The following DOCK4 variants were observed in gnomAD, a reference collection of about 807,000 sequenced individuals.
The protein encoded by DOCK4 is dedicator of cytokinesis 4.
DOCK4 carries 97 observed loss-of-function variants against 268.1 expected under a neutral mutation model. That is an observed-to-expected ratio of 0.36 (90% CI 0.31 to 0.43). The LOEUF (loss-of-function observed/expected upper bound fraction) is 0.43, where lower values mean the gene tolerates loss of function less well. Among genes scored for constraint, DOCK4 ranks in the 20% least tolerant of loss-of-function variants. DOCK4 has a pLI of 1.00. For synonymous variants in DOCK4, 954 were observed against 887.2 expected (o/e 1.08, Z -1.34); for missense variants, 2,145 against 2,455.7 (o/e 0.87, Z 2.67).
At chr7:111,842,861 G>T (rs1019411628) in intron 25 of DOCK4, among the ~76,000 whole-genome samples, 34 of 152,174 alleles carry the variant, frequency 2.2e-4, no homozygotes, top group African/African-American at 5.8e-4. Flanking sequence ...AGGAAACCAA[G>T]TGGCGAACCT....
At chr7:112,157,027 G>T (rs1816670175) in intron 1 of DOCK4, among the ~76,000 whole-genome samples, 1 of 152,108 alleles carries the variant, frequency 6.6e-6, no homozygotes, top group Non-Finnish European at 1.5e-5. Context: ...TTCATTAGCA[G>T]ACAGGGAAAC....
chr7:111,907,592 G>C (rs2134460299), intron 13 of DOCK4, among the ~76,000 whole-genome samples: 1 of 152,292 alleles, frequency 6.6e-6, no homozygotes, highest in Middle Eastern at 3.4e-3. Context: ...TTCAGTCACT[G>C]TGGCATTCAT....
intron 1 of DOCK4, among the ~76,000 whole-genome samples, chr7:112,181,764 G>A (rs970939914): frequency 1.8e-4 from 28 of 151,954 alleles, no homozygotes; most frequent in African/African-American, 5.6e-4. Context: ...CAGGAAGCAG[G>A]ATCACAGGAT....
At chr7:112,070,363 G>C (rs1004008036) in intron 1 of DOCK4, among the ~76,000 whole-genome samples, 1 of 152,128 alleles carries the variant, frequency 6.6e-6, no homozygotes, top group Non-Finnish European at 1.5e-5. Flanking sequence ...TTCACTGAGA[G>C]TAACTATGGG....
chr7:111,873,142 C>T (rs1187211660), intron 17 of DOCK4, among the ~76,000 whole-genome samples: 3 of 152,190 alleles, frequency 2.0e-5, no homozygotes, highest in Admixed American at 2.0e-4. Flanking sequence ...GAGCTCTCAA[C>T]CTGAGAAGAG....
chr7:111,920,986 T>G (rs1793083137), intron 12 of DOCK4, among the ~76,000 whole-genome samples: 2 of 152,084 alleles, frequency 1.3e-5, no homozygotes, highest in South Asian at 4.1e-4. Context: ...TCATAAAATT[T>G]AATTTACAAT....
At chr7:111,778,430 CT>C in intron 35 of DOCK4, 61 bp from the exon 36 acceptor site, 4 of 1,057,118 alleles carry the variant, frequency 3.8e-6, no homozygotes, top group Non-Finnish European at 1.4e-6. Context: ...AATTATCTGC[CT>C]TTTACTCTGC....
intron 12 of DOCK4, among the ~76,000 whole-genome samples, chr7:111,931,902 C>G (rs1794233364): frequency 6.6e-6 from 1 of 152,106 alleles, no homozygotes. Flanking sequence ...CCTAGGACAT[C>G]CTGCTTGCAG....
intron 1 of DOCK4, among the ~76,000 whole-genome samples, chr7:112,063,494 C>A (rs761344968): frequency 2.0e-5 from 3 of 152,182 alleles, no homozygotes; most frequent in Admixed American, 6.5e-5. Flanking sequence ...TCATCTACCA[C>A]AAAACCTGTT....
chr7:112,032,257 C>G (rs920870865), intron 1 of DOCK4, among the ~76,000 whole-genome samples: 2 of 152,114 alleles, frequency 1.3e-5, no homozygotes, highest in Non-Finnish European at 2.9e-5. Flanking sequence ...ACAAAAATAT[C>G]TAGTCAAACA....
intron 8 of DOCK4, among the ~76,000 whole-genome samples, chr7:111,962,306 T>C (rs1796966839): frequency 6.6e-6 from 1 of 152,236 alleles, no homozygotes; most frequent in Non-Finnish European, 1.5e-5. Context: ...TACTGGTTTT[T>C]AAAAATAATC....
intron 1 of DOCK4, among the ~76,000 whole-genome samples, chr7:112,102,584 T>C (rs1810796459): frequency 6.6e-6 from 1 of 152,148 alleles, no homozygotes. Flanking sequence ...ACAGACCCCA[T>C]AAAACTGACC....
intron 25 of DOCK4, chr7:111,840,867 T>G (rs1803632118): frequency 7.4e-7 from 1 of 1,348,476 alleles, no homozygotes; most frequent in African/African-American, 1.5e-5. Flanking sequence ...AGAAAGCCTG[T>G]TCTCTGTGAG....
chr7:112,145,495 TCAGAGATACAA>T (rs1815387771), intron 1 of DOCK4, among the ~76,000 whole-genome samples: 1 of 152,216 alleles, frequency 6.6e-6, no homozygotes, highest in Non-Finnish European at 1.5e-5. Context: ...TATTATATAT[TCAGAGATACAA>T]CAGAATTCTT....
chr7:111,998,077 T>C (rs966355379), intron 4 of DOCK4, among the ~76,000 whole-genome samples: 1 of 152,158 alleles, frequency 6.6e-6, no homozygotes, highest in Non-Finnish European at 1.5e-5. Flanking sequence ...TTAGAATCAG[T>C]GGTGAACCTA....
rs77996072 is a variant in DOCK4, at chr7:112,059,674, A to C, written c.38-55543T>G. Among the ~76,000 whole-genome samples, 1,441 of 152,326 alleles carry C rather than the reference A, an allele frequency of 9.5e-3. 40 individuals carry two copies. Among genetic ancestry groups the C allele is most frequent in the East Asian group, 0.083 (433 of 5,186 alleles). ...TCTCTCCAGTGAATTTAACAGAGAT[A>C]GTTAACTAATGCAATAATTGATTCA... On this transcript the variant is annotated intron_variant, in intron 1 of 52. Coordinates refer to ENST00000428084, the MANE Select transcript of DOCK4 (RefSeq NM_001363540.2).
chr7:111,818,345 A>G (rs1311197478), intron 27 of DOCK4, among the ~76,000 whole-genome samples: 5 of 152,170 alleles, frequency 3.3e-5, no homozygotes, highest in African/African-American at 1.2e-4. Flanking sequence ...TTGAATATCT[A>G]GTACACCTCA....
intron 1 of DOCK4, among the ~76,000 whole-genome samples, chr7:112,118,154 T>C (rs888066143): frequency 2.6e-5 from 4 of 151,204 alleles, no homozygotes; most frequent in Non-Finnish European, 5.9e-5. Flanking sequence ...ATATATTTTG[T>C]CTCCTATATT....
intron 47 of DOCK4, 81 bp from the exon 48 acceptor site, chr7:111,739,558 AC>A: frequency 7.9e-7 from 1 of 1,270,402 alleles, no homozygotes; most frequent in African/African-American, 1.5e-5. Flanking sequence ...AAAATCATCA[AC>A]TTTTTTTCAA....
Sources: allele counts gnomAD v4.1 joint callset (sites outside exome capture counted in the v4.1 genomes callset), GRCh38; gene constraint gnomAD v4.1.1; transcripts MANE v1.5; gene names NCBI Gene and HGNC (gene_info 2026-07-23, HGNC 2026-07-21).